Variants in PLCB4 observed in about 807,000 individuals in gnomAD.
PLCB4 encodes 1-phosphatidylinositol 4,5-bisphosphate phosphodiesterase beta-4.
Under a neutral mutation model 178.8 loss-of-function variants are expected in PLCB4, and 77 were observed. The observed-to-expected ratio is 0.43, with a 90% CI of 0.36 to 0.52. The LOEUF is 0.52. Among genes scored for constraint, PLCB4 ranks in the 20% least tolerant of loss-of-function variants. PLCB4 has a pLI of 0.00. For missense variants in PLCB4, 1,024 were observed against 1,453.4 expected, an observed-to-expected ratio of 0.70 and a Z score of 4.80; for synonymous variants, 496 against 490.8, an observed-to-expected ratio of 1.01 and a Z score of -0.14.
chr20:9,397,152 C>G (rs767374642), intron 19 of PLCB4, among the ~76,000 whole-genome samples: 2 of 152,180 alleles, frequency 1.3e-5, no homozygotes, highest in Non-Finnish European at 2.9e-5. Context: ...TATTTTAAAT[C>G]CTGTGTTGTC....
At chr20:9,348,424 G>C (rs891250204) in intron 7 of PLCB4, among the ~76,000 whole-genome samples, 1 of 152,132 alleles carries the variant, frequency 6.6e-6, no homozygotes, top group African/African-American at 2.4e-5. Context: ...TTGAGGGTCT[G>C]GTTACTTTGG....
chr20:9,160,594 T>TA (rs575913736), intron 2 of PLCB4, among the ~76,000 whole-genome samples: 1 of 152,162 alleles, frequency 6.6e-6, no homozygotes, highest in African/African-American at 2.4e-5. Context: ...TTTTTGCAAC[T>TA]AAAAAAGAAT....
At chr20:9,126,623 T>C (rs1300264215) in intron 2 of PLCB4, among the ~76,000 whole-genome samples, 1 of 152,190 alleles carries the variant, frequency 6.6e-6, no homozygotes, top group East Asian at 1.9e-4. Flanking sequence ...TATAATATAA[T>C]TGCATCATTG....
chr20:9,475,600 G>A (rs2044490341), intron 38 of PLCB4, among the ~76,000 whole-genome samples: 1 of 152,208 alleles, frequency 6.6e-6, no homozygotes, highest in Admixed American at 6.5e-5. Flanking sequence ...AGACATTCAA[G>A]ATATCATACT....
chr20:9,153,388 G>T (rs1352054562), intron 2 of PLCB4, among the ~76,000 whole-genome samples: 2 of 152,206 alleles, frequency 1.3e-5, no homozygotes, highest in South Asian at 4.2e-4. Flanking sequence ...TTAAATCATG[G>T]GGGTTGGTCT....
chr20:9,306,481 C>T (rs2094768452), intron 3 of PLCB4, among the ~76,000 whole-genome samples: 1 of 152,160 alleles, frequency 6.6e-6, no homozygotes, highest in Admixed American at 6.5e-5. Flanking sequence ...CAATTCAGCT[C>T]ATCTATTAAG....
chr20:9,157,466 C>T (rs1300427408), intron 2 of PLCB4, among the ~76,000 whole-genome samples: 1 of 152,066 alleles, frequency 6.6e-6, no homozygotes, highest in Admixed American at 6.5e-5. Flanking sequence ...GAATGGCAGC[C>T]TCATTTTTAA....
chr20:9,078,095 C>T (rs1423630840), intron 1 of PLCB4, among the ~76,000 whole-genome samples: 1 of 151,950 alleles, frequency 6.6e-6, no homozygotes, highest in Non-Finnish European at 1.5e-5. Flanking sequence ...ATTTTCCTGC[C>T]TCAGACTCTC....
intron 2 of PLCB4, among the ~76,000 whole-genome samples, chr20:9,208,861 G>A (rs886922262): frequency 6.6e-6 from 1 of 152,156 alleles, no homozygotes; most frequent in African/African-American, 2.4e-5. Flanking sequence ...TTAAATATTA[G>A]TGTGGTTATG....
chr20:9,461,856 C>G (rs2043417983), intron 35 of PLCB4, among the ~76,000 whole-genome samples: 1 of 152,224 alleles, frequency 6.6e-6, no homozygotes, highest in African/African-American at 2.4e-5. Flanking sequence ...CAGCAGACAA[C>G]TTCTGCAGAC....
intron 27 of PLCB4, among the ~76,000 whole-genome samples, chr20:9,422,266 A>T (rs2040695847): frequency 6.6e-6 from 1 of 152,222 alleles, no homozygotes; most frequent in Non-Finnish European, 1.5e-5. Context: ...AATAGGGATT[A>T]TCCATTTCAG....
chr20:9,296,303 A>G (rs1356154173), intron 3 of PLCB4, among the ~76,000 whole-genome samples: 1 of 152,152 alleles, frequency 6.6e-6, no homozygotes, highest in African/African-American at 2.4e-5. Flanking sequence ...CAAAACCACA[A>G]TTGAGATACC....
chr20:9,234,981 G>T (rs1196300385), intron 3 of PLCB4, among the ~76,000 whole-genome samples: 1 of 152,182 alleles, frequency 6.6e-6, no homozygotes, highest in Non-Finnish European at 1.5e-5. Context: ...GCTTAGTAGA[G>T]AATGAAGTGT....
intron 8 of PLCB4, among the ~76,000 whole-genome samples, chr20:9,364,073 A>T (rs765420070): frequency 2.0e-5 from 3 of 152,200 alleles, no homozygotes; most frequent in Admixed American, 6.5e-5. Flanking sequence ...TTATCTTGTT[A>T]TGGTATCCCT....
At chr20:9,378,355 A>G (rs765442904) in intron 12 of PLCB4, among the ~76,000 whole-genome samples, 8 of 152,188 alleles carry the variant, frequency 5.3e-5, no homozygotes, top group Non-Finnish European at 1.2e-4. Flanking sequence ...TTCATCCTTT[A>G]TCCATCTTCT....
rs1382379541 is a variant in PLCB4 at position 9,380,102 on chromosome 20, G to A, written c.793G>A (p.Ala265Thr). 2 of 1,597,562 alleles carry A rather than the reference G, an allele frequency of 1.3e-6. No individual in the cohort carries two copies. The highest frequency in any genetic ancestry group is 1.7e-5 in the Admixed American group (1 of 58,952). ...TGAAATTTTATTTCCATTTTATGATGCCAAAAGGGCAATGCAGATCATTGA... is the reference window on the plus strand; with the variant it reads ...TGAAATTTTATTTCCATTTTATGATACCAAAAGGGCAATGCAGATCATTGA... ...LNEILFPFYDAKRAMQIIEMY... is the reference protein window; with the variant it reads ...LNEILFPFYDTKRAMQIIEMY... The change falls in exon 13 of 40, where the codon GCC (alanine) becomes ACC (threonine). Residue 265 changes from alanine (A) to threonine (T), a missense_variant. Around this residue, in one of 7 missense-constraint regions of PLCB4, gnomAD observed 37 missense variants for 28.6 expected, o/e 1.30. Transcript: ENST00000378473.
rs146963695 is a variant in PLCB4, at chr20:9,313,957, G to A, written c.84+6059G>A. On this transcript the variant is annotated intron_variant, in intron 4 of 39. Transcript: ENST00000378473. Reference sequence around the variant, plus strand: ...AAGGGGCAGCAGGGCTGGGGGACTGGCCCCAGAAGCCTCAATGAGGAGGCC... The same window carrying A: ...AAGGGGCAGCAGGGCTGGGGGACTGACCCCAGAAGCCTCAATGAGGAGGCC... Among the ~76,000 whole-genome samples the A allele has an allele frequency of 1.5e-3, 221 of 152,288 alleles. 1 individual carries two copies. The highest frequency in any genetic ancestry group is 4.8e-3 in the African/African-American group (198 of 41,550).
intron 32 of PLCB4, among the ~76,000 whole-genome samples, chr20:9,444,763 A>G (rs1181632100): frequency 6.6e-6 from 1 of 151,992 alleles, no homozygotes; most frequent in Non-Finnish European, 1.5e-5. Context: ...CTCCATCTCA[A>G]AAAAAAAGAA....
intron 2 of PLCB4, among the ~76,000 whole-genome samples, chr20:9,193,861 C>T (rs779352422): frequency 2.6e-5 from 4 of 152,108 alleles, no homozygotes; most frequent in Non-Finnish European, 4.4e-5. Context: ...TTTTTGAATA[C>T]TGTGGCATCT....
Sources: gnomAD v4.1 joint callset for allele counts (sites outside exome capture counted in the v4.1 genomes callset) on GRCh38, gnomAD v4.1.1 for gene constraint, gnomAD v4.1.1 regional missense constraint, MANE v1.5 for transcripts, NCBI Gene and HGNC (gene_info 2026-07-23, HGNC 2026-07-21) for gene names.